Variants in TAFA5 observed in about 807,000 individuals in gnomAD.
TAFA5 encodes TAFA chemokine like family member 5, also known as chemokine-like protein TAFA-5.
TAFA5 carries 6 observed loss-of-function variants against 15.3 expected under a neutral mutation model. That is an observed-to-expected ratio of 0.39 (90% CI 0.21 to 0.77). The LOEUF (loss-of-function observed/expected upper bound fraction) is 0.77. TAFA5 is among the 30% of genes least tolerant of loss of function. The probability of loss-of-function intolerance (pLI) is 0.41; values close to 1 mark genes in which losing one functional copy is unlikely to be tolerated. For missense variants in TAFA5, 161 were observed against 193.1 expected, an observed-to-expected ratio of 0.83 and a Z score of 0.98; for synonymous variants, 103 against 80.7, an observed-to-expected ratio of 1.28 and a Z score of -1.48.
chr22:48,506,807 G>T (rs1190347176), intron 1 of TAFA5, among the ~76,000 whole-genome samples: 1 of 152,196 alleles, frequency 6.6e-6, no homozygotes, highest in Non-Finnish European at 1.5e-5. Context: ...GGTGCAGGAG[G>T]CCTCCTGCCA....
At chr22:48,692,748 G>A (rs1047011529) in intron 2 of TAFA5, among the ~76,000 whole-genome samples, 2 of 152,244 alleles carry the variant, frequency 1.3e-5, no homozygotes, top group African/African-American at 2.4e-5. Flanking sequence ...TATCTAGACA[G>A]CCTCGTGACG....
At chr22:48,504,813 G>A (rs1920977840) in intron 1 of TAFA5, among the ~76,000 whole-genome samples, 2 of 152,316 alleles carry the variant, frequency 1.3e-5, no homozygotes, top group Non-Finnish European at 2.9e-5. Flanking sequence ...CCCTGCAGGC[G>A]ATTGTGTTAG....
intron 3 of TAFA5, among the ~76,000 whole-genome samples, chr22:48,718,897 G>A (rs1569092855): frequency 6.6e-6 from 1 of 152,130 alleles, no homozygotes; most frequent in Non-Finnish European, 1.5e-5. Context: ...GTGACAAGGT[G>A]GCCCCTGCCC....
intron 1 of TAFA5, among the ~76,000 whole-genome samples, chr22:48,588,013 G>A (rs944095686): frequency 3.3e-5 from 5 of 152,194 alleles, no homozygotes; most frequent in East Asian, 3.9e-4. Context: ...AGGCAGGCCC[G>A]GGTTATCCTG....
At chr22:48,647,140 C>T (rs990881212) in intron 2 of TAFA5, among the ~76,000 whole-genome samples, 1 of 152,134 alleles carries the variant, frequency 6.6e-6, no homozygotes, top group Admixed American at 6.5e-5. Context: ...CCGAGGCTGC[C>T]AGCGGGACCT....
At chr22:48,613,494 C>T (rs2147175556) in intron 1 of TAFA5, among the ~76,000 whole-genome samples, 1 of 152,356 alleles carries the variant, frequency 6.6e-6, no homozygotes, top group South Asian at 2.1e-4. Context: ...ATTCTTCTTT[C>T]CTCTCTGTCT....
intron 1 of TAFA5, among the ~76,000 whole-genome samples, chr22:48,553,635 T>C (rs966253970): frequency 3.3e-5 from 5 of 152,146 alleles, no homozygotes; most frequent in Non-Finnish European, 7.4e-5. Context: ...GCCCAGACAG[T>C]GTTCTGGAAG....
chr22:48,491,137 C>T (rs1268752053), intron 1 of TAFA5, among the ~76,000 whole-genome samples: 2 of 152,218 alleles, frequency 1.3e-5, no homozygotes, highest in Admixed American at 1.3e-4. Context: ...GCGCCGGCGC[C>T]CCTGGGAACT....
At chr22:48,628,805 G>A (rs1199011194) in intron 1 of TAFA5, among the ~76,000 whole-genome samples, 4 of 152,230 alleles carry the variant, frequency 2.6e-5, no homozygotes, top group African/African-American at 7.2e-5. Flanking sequence ...AACAGTTATG[G>A]GAAGTATCAG....
chr22:48,492,946 G>A (rs1462892073), intron 1 of TAFA5, among the ~76,000 whole-genome samples: 1 of 152,204 alleles, frequency 6.6e-6, no homozygotes, highest in Admixed American at 6.5e-5. Flanking sequence ...TGTCTGCCTA[G>A]ATGTGGTTCT....
At chr22:48,641,752 G>A (rs1164300288) in intron 1 of TAFA5, among the ~76,000 whole-genome samples, 1 of 152,108 alleles carries the variant, frequency 6.6e-6, no homozygotes, top group Non-Finnish European at 1.5e-5. Flanking sequence ...GAAAGTCGGT[G>A]GGGGGACCTG....
chr22:48,495,147 G>T (rs778065369), intron 1 of TAFA5, among the ~76,000 whole-genome samples: 12 of 152,234 alleles, frequency 7.9e-5, no homozygotes, highest in African/African-American at 1.2e-4. Flanking sequence ...GTGAGCCTCC[G>T]CTTTGGAGGG....
intron 2 of TAFA5, among the ~76,000 whole-genome samples, chr22:48,665,441 G>C (rs747328740): frequency 2.0e-5 from 3 of 152,138 alleles, no homozygotes; most frequent in South Asian, 2.1e-4. Context: ...TTTGCATTCT[G>C]TGTGGGAAAC....
chr22:48,585,626 C>T (rs927060375), intron 1 of TAFA5, among the ~76,000 whole-genome samples: 1 of 151,166 alleles, frequency 6.6e-6, no homozygotes, highest in Non-Finnish European at 1.5e-5. Flanking sequence ...ACACCACACA[C>T]ACTAGACATC....
At chr22:48,646,822 C>A (rs1926883718) in intron 2 of TAFA5, 76 bp downstream of exon 2, 5 of 1,485,184 alleles carry the variant, frequency 3.4e-6, no homozygotes, top group Non-Finnish European at 4.5e-6. Context: ...CCTGACGCGG[C>A]CCCTTACCTG....
At chr22:48,669,248 G>T (rs759389177) in intron 2 of TAFA5, among the ~76,000 whole-genome samples, 37 of 152,330 alleles carry the variant, frequency 2.4e-4, no homozygotes, top group Middle Eastern at 3.4e-3. Flanking sequence ...GGCAGCCTGC[G>T]TACACTAAGG....
In TAFA5 at chr22:48,560,070, C is replaced by T. The variant is rs1220851661; in HGVS notation, c.112+70366C>T. Among the ~76,000 whole-genome samples the T allele has an allele frequency of 6.6e-6, 1 of 152,170 alleles. No homozygotes were observed. The highest frequency in any genetic ancestry group is 1.5e-5 in the Non-Finnish European group (1 of 68,032). Reference sequence around the variant, plus strand: ...CGGCCATCCTCCATCAGGCAGCTGCCCTGGCCACCGATGCCTTCGCAGCAT... The same window carrying T: ...CGGCCATCCTCCATCAGGCAGCTGCTCTGGCCACCGATGCCTTCGCAGCAT... On this transcript the variant is annotated intron_variant, in intron 1 of 3. Transcript: ENST00000402357. The surrounding 1 kb of genome is among the most constrained non-coding windows in gnomAD (Gnocchi z 4.2).
intron 1 of TAFA5, among the ~76,000 whole-genome samples, chr22:48,582,092 C>A (rs570641744): frequency 9.2e-5 from 14 of 152,038 alleles, no homozygotes; most frequent in African/African-American, 3.4e-4. Context: ...ACCTGCCTGT[C>A]GGGGCAGGCG....
intron 3 of TAFA5, among the ~76,000 whole-genome samples, chr22:48,722,228 C>T (rs1929589450): frequency 6.6e-6 from 1 of 152,180 alleles, no homozygotes; most frequent in African/African-American, 2.4e-5. Flanking sequence ...TAATGACCGC[C>T]ATTCTAATTG....
Sources: allele counts gnomAD v4.1 joint callset (sites outside exome capture counted in the v4.1 genomes callset), GRCh38; gene constraint gnomAD v4.1.1; non-coding constraint Gnocchi (gnomAD v3.1); transcripts MANE v1.5; gene names NCBI Gene and HGNC (gene_info 2026-07-23, HGNC 2026-07-21).